The following PRKAR2A variants were observed in gnomAD, a reference collection of about 807,000 sequenced individuals.
PRKAR2A encodes protein kinase cAMP-dependent type II regulatory subunit alpha, also known as cAMP-dependent protein kinase type II-alpha regulatory subunit.
PRKAR2A carries 29 observed loss-of-function variants against 51.9 expected under a neutral mutation model. That is an observed-to-expected ratio of 0.56 (90% CI 0.42 to 0.76). PRKAR2A has a LOEUF of 0.76. PRKAR2A is among the 30% of genes least tolerant of loss of function. The probability of loss-of-function intolerance (pLI) is 0.00; values close to 1 mark genes in which losing one functional copy is unlikely to be tolerated. For synonymous variants in PRKAR2A, 178 were observed against 186.2 expected (o/e 0.96, Z 0.36); for missense variants, 445 against 512.1 (o/e 0.87, Z 1.26).
intron 1 of PRKAR2A, among the ~76,000 whole-genome samples, chr3:48,821,088 G>A (rs2082951793): frequency 6.6e-6 from 1 of 152,190 alleles, no homozygotes; most frequent in East Asian, 1.9e-4. Context: ...GGACAAGGGT[G>A]GAATGATTAG....
intron 1 of PRKAR2A, among the ~76,000 whole-genome samples, chr3:48,835,488 A>C (rs1455374131): frequency 6.6e-6 from 1 of 151,916 alleles, no homozygotes; most frequent in Non-Finnish European, 1.5e-5. Context: ...AAAAATACAA[A>C]AAATTAGGCG....
chr3:48,744,953 C>A (rs2081544474), downstream of PRKAR2A, among the ~76,000 whole-genome samples: 2 of 151,734 alleles, frequency 1.3e-5, 1 homozygote, highest in South Asian at 4.2e-4. Context: ...TGGTTCACTG[C>A]AACCTCTACC....
intron 3 of PRKAR2A, among the ~76,000 whole-genome samples, chr3:48,792,455 C>CTTTT (rs983032500): frequency 2.5e-4 from 17 of 66,824 alleles, no homozygotes; most frequent in Admixed American, 6.2e-4. Flanking sequence ...AAGGTTTAAT[C>CTTTT]TTTTTTTTTT....
chr3:48,798,044 C>T (rs529208291), intron 2 of PRKAR2A, among the ~76,000 whole-genome samples: 2 of 152,064 alleles, frequency 1.3e-5, no homozygotes, highest in East Asian at 3.9e-4. Flanking sequence ...CCTCTGCCTC[C>T]CAGGTTCAAA....
intron 3 of PRKAR2A, among the ~76,000 whole-genome samples, chr3:48,791,903 C>CAAA (rs1177374619): frequency 3.6e-4 from 15 of 41,896 alleles, no homozygotes; most frequent in African/African-American, 4.7e-4. Context: ...AACTCTGTCT[C>CAAA]AAAAAAAAAA....
At chr3:48,837,030 A>C (rs1163918287) in intron 1 of PRKAR2A, among the ~76,000 whole-genome samples, 2 of 152,078 alleles carry the variant, frequency 1.3e-5, no homozygotes, top group Non-Finnish European at 2.9e-5. Context: ...TGGGAGGCTA[A>C]GGTGAAAGGA....
chr3:48,756,069 T>C (rs753344864), intron 9 of PRKAR2A, among the ~76,000 whole-genome samples: 3 of 151,686 alleles, frequency 2.0e-5, no homozygotes, highest in East Asian at 1.9e-4. Context: ...CGTGAGCCAC[T>C]GTGCCCGGCC....
intron 1 of PRKAR2A, among the ~76,000 whole-genome samples, chr3:48,809,082 A>G (rs2082728894): frequency 6.6e-6 from 1 of 152,262 alleles, no homozygotes; most frequent in Non-Finnish European, 1.5e-5. Context: ...CGCCTGGCCA[A>G]GCAGAACCAT....
At position 48,751,678 on chromosome 3, in the gene PRKAR2A, G is replaced by A; in HGVS notation, c.1122C>T (p.Cys374=). The change falls in exon 11 of 11, where the codon TGC becomes TGT. Residue 374 remains cysteine, a synonymous_variant. Coordinates refer to ENST00000265563, the MANE Select transcript of PRKAR2A (RefSeq NM_004157.4). The part of the protein sequence containing the change: ...VQAFERLLGP[C]MDIMKRNISH... ...AGATGTTCCTCTTCATGATGTCCAT[G>A]CAGGGCCCCAGAAGCCTCTCGAATG... 6.2e-7 allele frequency: 1 copy of A among 1,613,856 alleles called. No individual in the cohort carries two copies. The highest frequency in any genetic ancestry group is 1.7e-5 in the Admixed American group (1 of 59,994).
Position 48,790,544 on chromosome 3 carries a change from C to A in PRKAR2A, c.435G>T (p.Gln145His). Residue 145 changes from glutamine (Q) to histidine (H), a missense_variant and splice_region_variant, in exon 4 of 11, where the codon CAG becomes CAT. Transcript: ENST00000265563. ...KDILLFKNLD[Q>H]EQLSQVLDAM... ...AAAATACTTTAGAAATCAATGTTAC[C>A]TGATCAAGATTTTTGAAAAGGAGAA... 6.5e-7 allele frequency: 1 copy of A among 1,532,566 alleles called. No individual in the cohort carries two copies. The highest frequency in any genetic ancestry group is 1.4e-5 in the African/African-American group (1 of 71,168). The allele number at this position is 1,532,566 out of a possible 1,614,324, so 94.9% of individuals were successfully genotyped here.
At chr3:48,745,536 T>TG (rs1559594280), downstream of PRKAR2A, among the ~76,000 whole-genome samples, 2 of 145,566 alleles carry the variant, frequency 1.4e-5, no homozygotes, top group African/African-American at 5.1e-5. Context: ...GGTTTTTTTT[T>TG]TTTTTTTTTT....
intron 2 of PRKAR2A, 105 bp downstream of exon 2, chr3:48,807,544 G>T: frequency 2.1e-6 from 2 of 937,738 alleles, no homozygotes; most frequent in Non-Finnish European, 3.3e-6. Flanking sequence ...TTTAGATAAT[G>T]TTCTGTGATG....
At chr3:48,770,234 C>A (rs1021343343) in intron 6 of PRKAR2A, among the ~76,000 whole-genome samples, 19 of 152,142 alleles carry the variant, frequency 1.2e-4, no homozygotes, top group African/African-American at 4.1e-4. Context: ...GAAATTCCCA[C>A]AGGCAGCAAG....
At chr3:48,829,792 T>C (rs1384470437) in intron 1 of PRKAR2A, among the ~76,000 whole-genome samples, 1 of 135,886 alleles carries the variant, frequency 7.4e-6, no homozygotes, top group Non-Finnish European at 1.6e-5. Context: ...ATATAAAATA[T>C]ATGCGTATAT....
At chr3:48,832,880 T>C (rs575727154) in intron 1 of PRKAR2A, among the ~76,000 whole-genome samples, 2 of 152,168 alleles carry the variant, frequency 1.3e-5, no homozygotes, top group African/African-American at 2.4e-5. Flanking sequence ...AGCTAAAAAC[T>C]AAGGCTGCTG....
chr3:48,803,426 T>C (rs969380358), intron 2 of PRKAR2A, among the ~76,000 whole-genome samples: 2 of 152,078 alleles, frequency 1.3e-5, no homozygotes, highest in African/African-American at 4.8e-5. Context: ...CTTATTTATT[T>C]GTTTATTTGT....
intron 1 of PRKAR2A, among the ~76,000 whole-genome samples, chr3:48,834,973 T>C (rs2083257249): frequency 6.7e-6 from 1 of 149,304 alleles, no homozygotes; most frequent in African/African-American, 2.4e-5. Context: ...GGATCACTTT[T>C]TTTTTTTTTT....
chr3:48,793,688 T>C (rs547215362), intron 3 of PRKAR2A, among the ~76,000 whole-genome samples: 2 of 151,722 alleles, frequency 1.3e-5, no homozygotes, highest in East Asian at 1.9e-4. Flanking sequence ...GATGGGGTCT[T>C]GCTATATTGT....
intron 1 of PRKAR2A, among the ~76,000 whole-genome samples, chr3:48,830,060 G>A (rs999187650): frequency 1.3e-5 from 2 of 150,876 alleles, no homozygotes; most frequent in African/African-American, 4.9e-5. Context: ...AAAATTAGCC[G>A]GGCATGGTGG....
Sources: allele counts gnomAD v4.1 joint callset (sites outside exome capture counted in the v4.1 genomes callset), GRCh38; gene constraint gnomAD v4.1.1; transcripts MANE v1.5; gene names NCBI Gene and HGNC (gene_info 2026-07-23, HGNC 2026-07-21).